Variants in CHID1 observed in about 807,000 individuals in gnomAD.
CHID1 encodes chitinase domain containing 1.
In CHID1, 44 loss-of-function variants were observed where a neutral mutation model predicts 55.4. That is an observed-to-expected ratio of 0.79 (90% CI 0.62 to 1.02). CHID1 has a LOEUF of 1.02. Ranked by LOEUF, CHID1 falls within the 50% of genes least tolerant of loss-of-function variation. The pLI is 0.00. For synonymous variants in CHID1, 216 were observed against 212.9 expected (o/e 1.01, Z -0.13); for missense variants, 491 against 515.3 (o/e 0.95, Z 0.46).
intron 10 of CHID1, among the ~76,000 whole-genome samples, chr11:873,670 C>A (rs942203895): frequency 6.6e-6 from 1 of 152,114 alleles, no homozygotes; most frequent in African/African-American, 2.4e-5. Context: ...AACAGACAAA[C>A]CTACAGAGAC....
At chr11:910,212 G>C (rs1466541555) in intron 1 of CHID1, among the ~76,000 whole-genome samples, 1 of 152,178 alleles carries the variant, frequency 6.6e-6, no homozygotes, top group Non-Finnish European at 1.5e-5. Context: ...GAAGCTTCAA[G>C]GGTTGGGGCT....
intron 8 of CHID1, among the ~76,000 whole-genome samples, chr11:887,395 C>G (rs973335459): frequency 6.6e-6 from 1 of 152,202 alleles, no homozygotes; most frequent in African/African-American, 2.4e-5. Context: ...GTCATGTGCT[C>G]TTGGTCAGTG....
chr11:899,976 A>C (rs1180791208), intron 6 of CHID1, 28 bp downstream of exon 6: 1 of 1,563,742 alleles, frequency 6.4e-7, no homozygotes, highest in Non-Finnish European at 8.8e-7. Context: ...GGCTGTGCTC[A>C]GAGGCTGGAG....
chr11:910,942 G>A, upstream of CHID1: 1 of 386,178 alleles, frequency 2.6e-6, no homozygotes, highest in Admixed American at 6.8e-5. Context: ...GAAAGTCGGG[G>A]CCGGGGCCGG....
chr11:904,528 C>CTGGCACT (rs1852066696), intron 2 of CHID1, among the ~76,000 whole-genome samples, 178 bp downstream of exon 2: 1 of 152,236 alleles, frequency 6.6e-6, no homozygotes, highest in Non-Finnish European at 1.5e-5. Context: ...GAGGTGCTGA[C>CTGGCACT]TGGCCAGAGC....
chr11:882,670 G>A (rs1260533236), intron 10 of CHID1, among the ~76,000 whole-genome samples: 3 of 152,192 alleles, frequency 2.0e-5, no homozygotes, highest in Non-Finnish European at 4.4e-5. Context: ...ACATGCTTAA[G>A]GTGCCAGTGA....
At chr11:893,342 G>C in intron 8 of CHID1, 85 bp downstream of exon 8, 1 of 1,095,350 alleles carries the variant, frequency 9.1e-7, no homozygotes, top group Non-Finnish European at 1.3e-6. Context: ...GGAGGGCCTG[G>C]GCCCTTTGGC....
At position 870,088 on chromosome 11, in the gene CHID1, C is replaced by G. The variant is rs773470775; in HGVS notation, c.1083+33G>C. On this transcript the variant is annotated intron_variant, in intron 12 of 12. Coordinates refer to ENST00000323578, the MANE Select transcript of CHID1 (RefSeq NM_023947.4). Reference sequence around the variant, plus strand: ...TGCTGTGCTGTCGCATGGCCCACCCCTCCCCCGGTCCCACGGCTGGCAGCA... The same window carrying G: ...TGCTGTGCTGTCGCATGGCCCACCCGTCCCCCGGTCCCACGGCTGGCAGCA... 6 of 1,611,910 alleles carry G rather than the reference C, an allele frequency of 3.7e-6. No homozygotes were observed. The East Asian group carries it at 6.7e-5, about 18-fold the overall frequency.
Position 870,420 on chromosome 11 carries a change from T to C in CHID1, c.1039A>G (p.Lys347Glu). ...GGCCACGCACTTCAAAACACTCACT[T>C]CTTGTACTCGAAGAAGTGCTCTGAG... ...QASEHFFEYK[K>E]SRSGRHVVFY... Residue 347 changes from lysine (K) to glutamate (E), a missense_variant and splice_region_variant, in exon 11 of 13, where the codon AAG (lysine) becomes GAG (glutamate). Physicochemically the swap from Lys to Glu is moderately conservative, Grantham distance 56. Transcript: ENST00000323578. The C allele has an allele frequency of 6.2e-7, 1 of 1,609,534 alleles. No homozygotes were observed. Among genetic ancestry groups the C allele is most frequent in the Non-Finnish European group, 8.5e-7 (1 of 1,177,476 alleles).
rs1342952493 is a variant in CHID1, at chr11:870,478, G to A, written c.981C>T (p.Asp327=). The A allele has an allele frequency of 1.2e-6, 2 of 1,611,064 alleles. No homozygotes were observed. The highest frequency in any genetic ancestry group is 2.7e-5 in the African/African-American group (2 of 74,882). Residue 327 remains aspartate (D), a synonymous_variant, in exon 11 of 13, where the codon GAC becomes GAT. Transcript: ENST00000323578. ...VGARYIQTLK[D]HRPRMVWDSQ... ...TGTCCCACACCATCCGGGGCCTGTG[G>A]TCCTTCAGTGTCTGGATGTACCTGG... is the stretch of plus-strand genomic sequence containing the variant.
intron 12 of CHID1, 80 bp downstream of exon 12, chr11:870,041 G>A (rs770175300): frequency 1.3e-5 from 21 of 1,607,280 alleles, no homozygotes; most frequent in South Asian, 6.6e-5. Context: ...GGGCAGCACC[G>A]CCTGGACCCC....
In CHID1 at chr11:883,099, C is replaced by A. The variant is rs560521716; in HGVS notation, c.959+49G>T. The A allele has an allele frequency of 7.6e-6, 12 of 1,578,082 alleles. No individual in the cohort carries two copies. In the African/African-American group the frequency reaches 1.2e-4, roughly 16 times the overall value. On this transcript the variant is annotated intron_variant, in intron 10 of 12. Coordinates refer to ENST00000323578, the MANE Select transcript of CHID1 (RefSeq NM_023947.4). ...CTCTGTCTCCTTACACCCACACCCA[C>A]CCGCGCCCAGTGACACCTTCAGCAC...
At chr11:887,343 A>G (rs1338450284) in intron 8 of CHID1, among the ~76,000 whole-genome samples, 4 of 151,794 alleles carry the variant, frequency 2.6e-5, no homozygotes, top group African/African-American at 9.7e-5. Context: ...TTGCTTTCCC[A>G]CCACCGTGTT....
intron 1 of CHID1, among the ~76,000 whole-genome samples, chr11:907,181 A>G (rs901831751): frequency 5.9e-5 from 9 of 151,790 alleles, no homozygotes; most frequent in African/African-American, 1.7e-4. Context: ...GGCCACCAAC[A>G]AAAGTGATTC....
chr11:891,314 G>A (rs776775357), intron 8 of CHID1, among the ~76,000 whole-genome samples: 47 of 152,182 alleles, frequency 3.1e-4, no homozygotes, highest in Admixed American at 3.9e-4. Context: ...CCTCGGCCCC[G>A]CCCCCAGCCT....
Position 869,919 on chromosome 11 carries a change from CCCAGCTCCCGGG to C in CHID1, c.1109_1120del (p.Ala370_Leu373del). On this transcript the variant is annotated inframe_deletion, in exon 13 of 13. Transcript: ENST00000323578. Reference sequence around the variant, plus strand: ...CAGCTCCCAGATAGAGACCCCAACGCCCAGCTCCCGGGCCAGCTCCAGCCGCACCTGCAGGGA... The same window carrying C: ...CAGCTCCCAGATAGAGACCCCAACGCCCAGCTCCAGCCGCACCTGCAGGGA... 6.2e-7 allele frequency: 1 copy of C among 1,612,850 alleles called. No individual in the cohort carries two copies. Among genetic ancestry groups the C allele is most frequent in the East Asian group, 2.2e-5 (1 of 44,888 alleles).
At chr11:872,064 C>G (rs1252101830) in intron 10 of CHID1, among the ~76,000 whole-genome samples, 2 of 152,302 alleles carry the variant, frequency 1.3e-5, no homozygotes, top group East Asian at 3.9e-4. Flanking sequence ...GGCATGGAGG[C>G]TGCTCTGCAG....
chr11:883,123 A>T (rs1351947843), intron 10 of CHID1, 25 bp downstream of exon 10: 2 of 1,600,638 alleles, frequency 1.2e-6, no homozygotes, highest in Non-Finnish European at 1.7e-6. Flanking sequence ...CACCTTCAGC[A>T]CGGCAGGGAG....
At chr11:905,152 C>T (rs1852117036) in intron 1 of CHID1, among the ~76,000 whole-genome samples, 1 of 152,262 alleles carries the variant, frequency 6.6e-6, no homozygotes, top group Non-Finnish European at 1.5e-5. Context: ...GCCGCCCTGA[C>T]CACCACTGGC....
Sources: allele counts gnomAD v4.1 joint callset (sites outside exome capture counted in the v4.1 genomes callset), GRCh38; gene constraint gnomAD v4.1.1; transcripts MANE v1.5; gene names NCBI Gene and HGNC (gene_info 2026-07-23, HGNC 2026-07-21).